The following STK33 variants were observed in gnomAD, a reference collection of about 807,000 sequenced individuals.
STK33 encodes serine/threonine-protein kinase 33.
A neutral mutation model predicts 58.0 loss-of-function variants in STK33; 52 were observed. The observed-to-expected ratio is 0.90, with a 90% CI of 0.72 to 1.13. The LOEUF (loss-of-function observed/expected upper bound fraction) is 1.13, where lower values mean the gene tolerates loss of function less well. Among genes scored for constraint, STK33 ranks in the 50% most tolerant of loss-of-function variants. The pLI is 0.00. For missense variants in STK33, 630 were observed against 604.2 expected (o/e 1.04, Z -0.45); for synonymous variants, 215 against 200.1 (o/e 1.07, Z -0.63).
intron 1 of STK33, among the ~76,000 whole-genome samples, chr11:8,521,562 G>C (rs996607455): frequency 6.6e-6 from 1 of 152,090 alleles, no homozygotes; most frequent in Non-Finnish European, 1.5e-5. Flanking sequence ...GGATATAGGT[G>C]TGGGCAAAGA....
chr11:8,517,590 GA>G (rs1368851912), intron 1 of STK33, among the ~76,000 whole-genome samples: 5 of 152,108 alleles, frequency 3.3e-5, no homozygotes, highest in African/African-American at 9.7e-5. Flanking sequence ...TAAAAACCTT[GA>G]AAAAAGATTA....
chr11:8,515,221 A>C (rs1387202569), intron 1 of STK33, among the ~76,000 whole-genome samples: 1 of 152,194 alleles, frequency 6.6e-6, no homozygotes. Flanking sequence ...TCAGAAATGA[A>C]AGAAGAGATA....
chr11:8,474,808 C>T lies in STK33; in HGVS notation c.98G>A (p.Arg33Lys). The T allele has an allele frequency of 6.2e-7, 1 of 1,613,192 alleles. No individual in the cohort carries two copies. The highest frequency in any genetic ancestry group is 8.5e-7 in the Non-Finnish European group (1 of 1,179,662). The part of the protein sequence containing the change: ...DVLCVCSSKT[R>K]VPPVLVVEMS... ...TTCCACCACCAAAACTGGAGGAACC[C>T]TTGTTTTGCTGGAACATACACAAAG... Residue 33 changes from arginine (R) to lysine (K), a missense_variant, in exon 5 of 16, where the codon AGG (arginine) becomes AAG (lysine). Arg to Lys is a conservative substitution (Grantham distance 26). Coordinates refer to ENST00000687296, the MANE Select transcript of STK33 (RefSeq NM_001352389.2).
At chr11:8,509,008 C>T (rs1952091136) in intron 1 of STK33, among the ~76,000 whole-genome samples, 1 of 151,146 alleles carries the variant, frequency 6.6e-6, no homozygotes, top group Admixed American at 6.6e-5. Context: ...CCCAGCTACT[C>T]AGGAGGCTGG....
At chr11:8,571,899 A>ATT (rs1565393192) in intron 1 of STK33, among the ~76,000 whole-genome samples, 4 of 140,252 alleles carry the variant, frequency 2.9e-5, no homozygotes, top group East Asian at 2.0e-4. Flanking sequence ...AAAATTTTAA[A>ATT]AAAATTTAAA....
the STK33 span, among the ~76,000 whole-genome samples, chr11:8,343,687 C>T: frequency 2.0e-5 from 3 of 152,142 alleles, no homozygotes; most frequent in Admixed American, 6.5e-5. Context: ...TGGCCTCTCC[C>T]TCTCCCCTTC....
At chr11:8,511,627 C>T (rs1416397117) in intron 1 of STK33, among the ~76,000 whole-genome samples, 6 of 152,074 alleles carry the variant, frequency 3.9e-5, no homozygotes, top group Non-Finnish European at 8.8e-5. Context: ...TCATAGTTGG[C>T]TTTTATTACT....
chr11:8,392,201 CAAGT>C lies in STK33; in HGVS notation c.*305_*308del. 1 of 328,168 alleles carries C rather than the reference CAAGT, an allele frequency of 3.0e-6. No individual in the cohort carries two copies. Among genetic ancestry groups the C allele is most frequent in the South Asian group, 6.7e-5 (1 of 14,892 alleles). 20.3% of individuals were successfully genotyped at this position (328,168 alleles called of 1,614,324 possible). On this transcript the variant is annotated 3_prime_UTR_variant, in exon 16 of 16. Transcript: ENST00000687296. ...CATAAGAATTTGAAGTAAAAATGAG[CAAGT>C]GTGCCCACAGCCTTAAATTGAAGGT...
At chr11:8,359,807 T>C in the STK33 span, among the ~76,000 whole-genome samples, 1 of 152,250 alleles carries the variant, frequency 6.6e-6, no homozygotes, top group Non-Finnish European at 1.5e-5. Context: ...AGGGGTGGTC[T>C]AGCAGAACTT....
intron 11 of STK33, among the ~76,000 whole-genome samples, chr11:8,448,302 C>CA (rs747371179): frequency 6.0e-4 from 92 of 152,114 alleles, no homozygotes; most frequent in Non-Finnish European, 6.8e-4. Flanking sequence ...CATATGGAGC[C>CA]AAAAAAGAGC....
At position 8,449,110 on chromosome 11, in the gene STK33, G is replaced by A. The variant is rs868539437; in HGVS notation, c.871+3712C>T. On this transcript the variant is annotated intron_variant, in intron 11 of 15. Transcript: ENST00000687296. The stretch of plus-strand genomic sequence containing the variant: ...ACCATCTCACACCAGTTAGAATGGC[G>A]GTCATTAAAAAGTCAGGAAACAACA... 9.6e-4 allele frequency among the ~76,000 whole-genome samples: 145 copies of A among 151,548 alleles called. 1 individual carries two copies. Among genetic ancestry groups the A allele is most frequent in the African/African-American group, 3.0e-3 (123 of 40,918 alleles).
chr11:8,479,980 T>C (rs1381920589), intron 2 of STK33, among the ~76,000 whole-genome samples: 1 of 152,100 alleles, frequency 6.6e-6, no homozygotes, highest in East Asian at 1.9e-4. Context: ...GAATCACAAA[T>C]CATTTAGTTA....
chr11:8,447,630 T>C (rs1292228683), intron 11 of STK33, among the ~76,000 whole-genome samples: 7 of 151,964 alleles, frequency 4.6e-5, no homozygotes, highest in Admixed American at 6.6e-5. Context: ...ATTGATGGGA[T>C]GTATCTCAAA....
At chr11:8,384,666 C>T in the STK33 span, among the ~76,000 whole-genome samples, 11 of 152,306 alleles carry the variant, frequency 7.2e-5, no homozygotes, top group East Asian at 1.7e-3. Context: ...AAAACGCTGA[C>T]GTATGCTGTC....
chr11:8,564,349 A>C (rs899422815), intron 1 of STK33, among the ~76,000 whole-genome samples: 3 of 152,214 alleles, frequency 2.0e-5, no homozygotes, highest in African/African-American at 7.2e-5. Flanking sequence ...CCAAAGCCTT[A>C]TGGAAGAAAG....
At chr11:8,373,151 G>A in the STK33 span, among the ~76,000 whole-genome samples, 13 of 152,230 alleles carry the variant, frequency 8.5e-5, no homozygotes, top group Non-Finnish European at 1.3e-4. Flanking sequence ...GGCTGGTCTC[G>A]GCTTGTTCTC....
the STK33 span, among the ~76,000 whole-genome samples, chr11:8,354,472 C>CCACACACACACACACACACA: frequency 2.3e-3 from 131 of 56,054 alleles, no homozygotes; most frequent in African/African-American, 7.1e-3. Context: ...GTCTGCAAAA[C>CCACACACACACACACACACA]CTCACACACA....
At chr11:8,367,817 A>T in the STK33 span, among the ~76,000 whole-genome samples, 2 of 152,194 alleles carry the variant, frequency 1.3e-5, no homozygotes, top group African/African-American at 2.4e-5. Context: ...ATACATTCAC[A>T]TACACACAAT....
At chr11:8,537,105 G>A (rs186888843) in intron 1 of STK33, among the ~76,000 whole-genome samples, 38 of 136,272 alleles carry the variant, frequency 2.8e-4, no homozygotes, top group African/African-American at 1.0e-3. Context: ...TCAGCCTCCC[G>A]AGTAGCTGGA....
Sources: gnomAD v4.1 joint callset for allele counts (sites outside exome capture counted in the v4.1 genomes callset) on GRCh38, gnomAD v4.1.1 for gene constraint, MANE v1.5 for transcripts, NCBI Gene and HGNC (gene_info 2026-07-23, HGNC 2026-07-21) for gene names.